The following JMY variants were observed in gnomAD, a reference collection of about 807,000 sequenced individuals.
The protein encoded by JMY is junction-mediating and -regulatory protein.
A neutral mutation model predicts 103.3 loss-of-function variants in JMY; 46 were observed. The observed-to-expected ratio is 0.45, with a 90% CI of 0.35 to 0.57. The LOEUF is 0.57. Among genes scored for constraint, JMY ranks in the 20% least tolerant of loss-of-function variants. JMY has a pLI of 0.00. For synonymous variants in JMY, 526 were observed against 489.3 expected, an observed-to-expected ratio of 1.07 and a Z score of -0.99; for missense variants, 1,238 against 1,255.2, an observed-to-expected ratio of 0.99 and a Z score of 0.21.
At chr5:79,315,436 C>CT (rs1406317514) in intron 9 of JMY, among the ~76,000 whole-genome samples, 4 of 152,054 alleles carry the variant, frequency 2.6e-5, no homozygotes, top group Non-Finnish European at 5.9e-5. Flanking sequence ...TAACCCTTGC[C>CT]TTTTGCCTTT....
At chr5:79,300,424 T>C in intron 5 of JMY, 106 bp downstream of exon 5, 1 of 1,156,704 alleles carries the variant, frequency 8.6e-7, no homozygotes, top group East Asian at 2.6e-5. Context: ...AAAATTGTTT[T>C]CTGTAGGGAT....
At chr5:79,249,789 G>A (rs565693530) in intron 1 of JMY, among the ~76,000 whole-genome samples, 10 of 152,048 alleles carry the variant, frequency 6.6e-5, no homozygotes, top group Non-Finnish European at 1.0e-4. Flanking sequence ...ACTCAAGATT[G>A]GGATCTTTCC....
intron 1 of JMY, among the ~76,000 whole-genome samples, chr5:79,249,800 C>G (rs754291310): frequency 6.6e-6 from 1 of 152,046 alleles, no homozygotes; most frequent in African/African-American, 2.4e-5. Context: ...GGATCTTTCC[C>G]TTAAGGAAAG....
At chr5:79,237,737 C>G (rs918581165) in intron 1 of JMY, 55 bp downstream of exon 1, 1 of 1,486,738 alleles carries the variant, frequency 6.7e-7, no homozygotes. Flanking sequence ...GTTTACTGGC[C>G]AAACCAAAGG....
intron 4 of JMY, among the ~76,000 whole-genome samples, chr5:79,296,894 T>C (rs1356429101): frequency 6.6e-6 from 1 of 152,232 alleles, no homozygotes; most frequent in Admixed American, 6.5e-5. Flanking sequence ...ACAGTCAAAA[T>C]AGGTATACAT....
At chr5:79,279,670 A>G (rs1746051519) in intron 2 of JMY, among the ~76,000 whole-genome samples, 1 of 152,170 alleles carries the variant, frequency 6.6e-6, no homozygotes. Flanking sequence ...TAGGACAGTC[A>G]CACGACTTAG....
At chr5:79,259,344 G>A (rs1312810026) in intron 1 of JMY, among the ~76,000 whole-genome samples, 1 of 152,176 alleles carries the variant, frequency 6.6e-6, no homozygotes, top group African/African-American at 2.4e-5. Flanking sequence ...TGGGCCTCAG[G>A]GGAGGAAGTG....
intron 1 of JMY, among the ~76,000 whole-genome samples, chr5:79,277,307 G>T (rs1399990579): frequency 6.6e-6 from 1 of 151,916 alleles, no homozygotes; most frequent in African/African-American, 2.4e-5. Flanking sequence ...TCCAGATTTG[G>T]ATGGTTTTCA....
intron 1 of JMY, among the ~76,000 whole-genome samples, chr5:79,270,376 T>C (rs888932874): frequency 1.5e-5 from 2 of 136,544 alleles, no homozygotes; most frequent in Non-Finnish European, 3.1e-5. Flanking sequence ...TATATTTACA[T>C]AAATATTTAC....
At chr5:79,285,461 C>T (rs147416663) in intron 2 of JMY, among the ~76,000 whole-genome samples, 1,884 of 152,158 alleles carry the variant, frequency 0.012, 44 homozygotes, top group Middle Eastern at 0.014. Context: ...ATGCATCCAC[C>T]GCATGCACAC....
At chr5:79,318,548 T>C (rs1044323603) in intron 10 of JMY, among the ~76,000 whole-genome samples, 1 of 152,082 alleles carries the variant, frequency 6.6e-6, no homozygotes, top group Non-Finnish European at 1.5e-5. Context: ...TCTGCATCAA[T>C]CAATAACTTA....
chr5:79,287,716 G>A (rs542664797), intron 2 of JMY, among the ~76,000 whole-genome samples: 1 of 152,260 alleles, frequency 6.6e-6, no homozygotes, highest in South Asian at 2.1e-4. Context: ...AGCATACTGG[G>A]CATTCGAGTA....
chr5:79,295,235 A>AT (rs1278610677), intron 4 of JMY, among the ~76,000 whole-genome samples: 1 of 152,188 alleles, frequency 6.6e-6, no homozygotes, highest in African/African-American at 2.4e-5. Flanking sequence ...ATATGTGGCT[A>AT]ATGAGCTTTT....
chr5:79,305,752 T>C (rs929946913), intron 6 of JMY, among the ~76,000 whole-genome samples: 7 of 152,246 alleles, frequency 4.6e-5, no homozygotes, highest in African/African-American at 1.2e-4. Flanking sequence ...GCAGCTCTTA[T>C]GTCTGCGACC....
intron 2 of JMY, 60 bp downstream of exon 2, chr5:79,278,143 G>C: frequency 7.7e-7 from 1 of 1,300,570 alleles, no homozygotes; most frequent in Non-Finnish European, 1.1e-6. Context: ...AGCCTGAAAG[G>C]CCATGCGTTA....
chr5:79,282,462 T>A (rs1366715380), intron 2 of JMY, among the ~76,000 whole-genome samples: 1 of 152,166 alleles, frequency 6.6e-6, no homozygotes, highest in Non-Finnish European at 1.5e-5. Flanking sequence ...CGTGATTTTT[T>A]AAAAAAAGTT....
chr5:79,305,342 C>T (rs554484727), intron 6 of JMY, among the ~76,000 whole-genome samples: 1 of 152,058 alleles, frequency 6.6e-6, no homozygotes, highest in South Asian at 2.1e-4. Flanking sequence ...GTCCCAGCTG[C>T]TTGGGAGGCT....
chr5:79,252,325 C>T (rs1305860605), intron 1 of JMY, among the ~76,000 whole-genome samples: 1 of 144,188 alleles, frequency 6.9e-6, no homozygotes, highest in East Asian at 2.0e-4. Context: ...AGAGAAAATG[C>T]TTGATAGTCA....
At chr5:79,261,274 T>C (rs1398369894) in intron 1 of JMY, among the ~76,000 whole-genome samples, 2 of 152,294 alleles carry the variant, frequency 1.3e-5, no homozygotes, top group East Asian at 3.9e-4. Context: ...TGATAGCATA[T>C]CCTTACAGGT....
Sources: allele counts gnomAD v4.1 joint callset (sites outside exome capture counted in the v4.1 genomes callset), GRCh38; gene constraint gnomAD v4.1.1; transcripts MANE v1.5; gene names NCBI Gene and HGNC (gene_info 2026-07-23, HGNC 2026-07-21).